The following FAM81B variants were observed in gnomAD, a reference collection of about 807,000 sequenced individuals.
FAM81B encodes the protein family with sequence similarity 81 member B, also known as protein FAM81B.
Under a neutral mutation model 58.7 loss-of-function variants are expected in FAM81B, and 60 were observed. That is an observed-to-expected ratio of 1.02 (90% CI 0.83 to 1.27). The LOEUF is 1.27. FAM81B is among the 50% of genes most tolerant of loss of function. FAM81B has a pLI of 0.00. For missense variants in FAM81B, 491 were observed against 522.0 expected (o/e 0.94, Z 0.58); for synonymous variants, 189 against 179.6 (o/e 1.05, Z -0.42).
At chr5:95,420,755 T>C (rs967336756) in intron 5 of FAM81B, among the ~76,000 whole-genome samples, 4 of 152,198 alleles carry the variant, frequency 2.6e-5, no homozygotes, top group African/African-American at 7.2e-5. Flanking sequence ...ATTTAAAATA[T>C]ACAAGAATTA....
At chr5:95,441,787 C>T (rs978529801) in intron 7 of FAM81B, among the ~76,000 whole-genome samples, 2 of 152,148 alleles carry the variant, frequency 1.3e-5, no homozygotes, top group African/African-American at 2.4e-5. Flanking sequence ...CACTGAACCC[C>T]TCCACTGTGC....
chr5:95,437,351 T>C (rs1745146368), intron 7 of FAM81B, among the ~76,000 whole-genome samples: 1 of 152,132 alleles, frequency 6.6e-6, no homozygotes, highest in Non-Finnish European at 1.5e-5. Context: ...TTTATTATTA[T>C]TATTATTATT....
intron 7 of FAM81B, among the ~76,000 whole-genome samples, chr5:95,438,726 AACTG>A (rs1192706765): frequency 1.3e-5 from 2 of 151,810 alleles, no homozygotes; most frequent in African/African-American, 4.8e-5. Flanking sequence ...TTAGTTACAC[AACTG>A]ACTTTTATAT....
chr5:95,410,842 G>A (rs1405138986), intron 3 of FAM81B: 1 of 152,086 alleles, frequency 6.6e-6, no homozygotes, highest in East Asian at 1.9e-4. Context: ...CTAAGTTACA[G>A]GTGACCTAGA....
At chr5:95,420,975 A>G (rs547017570) in intron 5 of FAM81B, among the ~76,000 whole-genome samples, 43 of 152,226 alleles carry the variant, frequency 2.8e-4, no homozygotes, top group Non-Finnish European at 4.4e-4. Flanking sequence ...TTCTGCCAGT[A>G]CCTCATTCCT....
chr5:95,426,824 C>T (rs113696616), intron 5 of FAM81B, among the ~76,000 whole-genome samples: 4 of 151,970 alleles, frequency 2.6e-5, no homozygotes, highest in African/African-American at 4.8e-5. Context: ...TGAGGCGGGC[C>T]GATCACGAGG....
At chr5:95,400,931 AC>A (rs1263361251) in intron 3 of FAM81B, among the ~76,000 whole-genome samples, 5 of 67,960 alleles carry the variant, frequency 7.4e-5, no homozygotes, top group Non-Finnish European at 1.3e-4. Flanking sequence ...CCCCACCCCC[AC>A]CCCCAAAGAC....
intron 3 of FAM81B, among the ~76,000 whole-genome samples, chr5:95,407,877 T>C (rs1203153141): frequency 1.3e-5 from 2 of 152,238 alleles, no homozygotes; most frequent in African/African-American, 4.8e-5. Context: ...TGTAGCAAAG[T>C]ATCTCAAAAC....
intron 3 of FAM81B, among the ~76,000 whole-genome samples, chr5:95,403,243 G>A (rs34807535): frequency 0.26 from 40,100 of 151,916 alleles, 5,481 homozygotes; most frequent in Middle Eastern, 0.29. Context: ...TATTTTAACA[G>A]CTTCCCTCCC....
intron 3 of FAM81B, among the ~76,000 whole-genome samples, 175 bp downstream of exon 3, chr5:95,396,350 A>G (rs1761966585): frequency 6.6e-6 from 1 of 152,240 alleles, no homozygotes; most frequent in Admixed American, 6.5e-5. Flanking sequence ...AGAAAGACAA[A>G]CCTGATCCTG....
chr5:95,393,036 G>T (rs1761870424), intron 2 of FAM81B, 139 bp downstream of exon 2: 1 of 715,654 alleles, frequency 1.4e-6, no homozygotes, highest in Admixed American at 4.0e-5. Context: ...TGGCAAAATG[G>T]CTGCTGAAAA....
In FAM81B at chr5:95,420,454, A is replaced by T. The variant is rs149182367; in HGVS notation, c.656+52A>T. 1.9e-4 allele frequency: 311 copies of T among 1,606,360 alleles called. No homozygotes were observed. In the African/African-American group the frequency reaches 3.8e-3, roughly 20 times the overall value. ...TTAACAGTGAATTCTTGGCCAGTGA[A>T]TTCGCATTCCTAAACAAGCTCCATG... On this transcript the variant is annotated intron_variant, in intron 5 of 9. Transcript: ENST00000283357.
At position 95,450,300 on chromosome 5, in the gene FAM81B, CT is replaced by C; in HGVS notation, c.*23del. On this transcript the variant is annotated 3_prime_UTR_variant, in exon 10 of 10. Coordinates refer to ENST00000283357, the MANE Select transcript of FAM81B (RefSeq NM_152548.3). ...AAGTATAAACCTTTTCAGTCATCTT[CT>C]TTTTCATCAGCCAATGGAGTGATTT... 6.2e-7 allele frequency: 1 copy of C among 1,609,242 alleles called. No homozygotes were observed. Among genetic ancestry groups the C allele is most frequent in the Non-Finnish European group, 8.5e-7 (1 of 1,178,350 alleles).
chr5:95,432,719 C>T (rs1245114207), intron 6 of FAM81B, among the ~76,000 whole-genome samples: 1 of 151,776 alleles, frequency 6.6e-6, no homozygotes, highest in Non-Finnish European at 1.5e-5. Flanking sequence ...GGTTTTAATT[C>T]TCTCTGCTTT....
At chr5:95,398,000 T>C (rs2548655) in intron 3 of FAM81B, among the ~76,000 whole-genome samples, 52,111 of 152,178 alleles carry the variant, frequency 0.34, 9,143 homozygotes, top group Admixed American at 0.41. Context: ...TGTTATAGCT[T>C]TGCTTAAATC....
Position 95,440,340 on chromosome 5 carries a change from G to A in FAM81B, c.893+3434G>A, listed in dbSNP as rs568670153. ...TGCAGAACCATTGATCAATTTGGATGTAAATAATCCTGATGTTAAGGCTGG... is the reference window on the plus strand; with the variant it reads ...TGCAGAACCATTGATCAATTTGGATATAAATAATCCTGATGTTAAGGCTGG... On this transcript the variant is annotated intron_variant, in intron 7 of 9. Coordinates refer to ENST00000283357, the MANE Select transcript of FAM81B (RefSeq NM_152548.3). The A allele has an allele frequency of 1.4e-5, 13 of 931,416 alleles. No homozygotes were observed. The African/African-American group carries it at 2.1e-4, about 15-fold the overall frequency. The allele number at this position is 931,416 out of a possible 1,614,324, so 57.7% of individuals were successfully genotyped here.
chr5:95,433,497 A>G (rs182493328), intron 6 of FAM81B, among the ~76,000 whole-genome samples: 264 of 152,258 alleles, frequency 1.7e-3, no homozygotes, highest in African/African-American at 6.1e-3. Flanking sequence ...CAGCCAAACC[A>G]TATCAAGGAA....
intron 3 of FAM81B, among the ~76,000 whole-genome samples, chr5:95,413,513 T>C (rs1322270855): frequency 3.3e-5 from 5 of 152,340 alleles, no homozygotes; most frequent in African/African-American, 9.6e-5. Context: ...TCTAAGTGTA[T>C]TTGATCATAG....
intron 3 of FAM81B, among the ~76,000 whole-genome samples, chr5:95,403,563 C>CA (rs1289687922): frequency 2.6e-5 from 4 of 151,972 alleles, no homozygotes; most frequent in Admixed American, 6.5e-5. Context: ...GCTCATATAA[C>CA]AAAAAAAATC....
Sources: gnomAD v4.1 joint callset for allele counts (sites outside exome capture counted in the v4.1 genomes callset) on GRCh38, gnomAD v4.1.1 for gene constraint, MANE v1.5 for transcripts, NCBI Gene and HGNC (gene_info 2026-07-23, HGNC 2026-07-21) for gene names.